The following ACVR1B variants were observed in gnomAD, a reference collection of about 807,000 sequenced individuals.
ACVR1B encodes activin receptor type-1B.
Under a neutral mutation model 55.6 loss-of-function variants are expected in ACVR1B, and 15 were observed. That is an observed-to-expected ratio of 0.27 (90% CI 0.18 to 0.42). The LOEUF is 0.42. Ranked by LOEUF, ACVR1B falls within the 10% of genes least tolerant of loss-of-function variation. The pLI is 1.00. For synonymous variants in ACVR1B, 247 were observed against 254.6 expected (o/e 0.97, Z 0.28); for missense variants, 359 against 670.1 (o/e 0.54, Z 5.13).
chr12:51,951,789 C>T lies in ACVR1B; in HGVS notation c.46C>T (p.Leu16Phe), dbSNP rs1941300785. ...CTCCTCCTTCTTCCCCCTTGTTGTCCTCCTGCTCGCCGGCAGCGGCGGGTC... is the reference window on the plus strand; with the variant it reads ...CTCCTCCTTCTTCCCCCTTGTTGTCTTCCTGCTCGCCGGCAGCGGCGGGTC... Reference protein sequence around the residue: ...GASSFFPLVVLLLAGSGGSGP... With the variant: ...GASSFFPLVVFLLAGSGGSGP... Residue 16 changes from leucine to phenylalanine, a missense_variant, in exon 1 of 9, where the codon CTC becomes TTC. Leu to Phe is a conservative substitution (Grantham distance 22). Transcript: ENST00000257963. The T allele has an allele frequency of 1.1e-5, 14 of 1,297,438 alleles. No homozygotes were observed. The highest frequency in any genetic ancestry group is 1.4e-5 in the Non-Finnish European group (14 of 1,014,200). The allele number at this position is 1,297,438 out of a possible 1,614,324, so 80.4% of individuals were successfully genotyped here. A position where few individuals can be genotyped will look rare whatever the true frequency, so the allele number is the denominator to read the frequency against.
intron 1 of ACVR1B, among the ~76,000 whole-genome samples, chr12:51,974,442 A>G (rs934620402): frequency 6.6e-6 from 1 of 152,018 alleles, no homozygotes; most frequent in African/African-American, 2.4e-5. Context: ...CTTATGTATG[A>G]TAGTTACCCA....
chr12:51,992,989 T>C (rs1331721134), intron 8 of ACVR1B, among the ~76,000 whole-genome samples: 1 of 152,198 alleles, frequency 6.6e-6, no homozygotes. Flanking sequence ...TTTTACTTAT[T>C]TTTTTCCCAA....
chr12:51,959,421 G>T (rs182935014), intron 1 of ACVR1B, among the ~76,000 whole-genome samples: 212 of 152,340 alleles, frequency 1.4e-3, no homozygotes, highest in Non-Finnish European at 2.2e-3. Context: ...GTGGTTCCCA[G>T]CTGACAGCTA....
At chr12:51,967,708 A>G (rs1194840274) in intron 1 of ACVR1B, among the ~76,000 whole-genome samples, 1 of 152,206 alleles carries the variant, frequency 6.6e-6, no homozygotes, top group African/African-American at 2.4e-5. Context: ...TGATTATCTT[A>G]TTCTTCAGAG....
At chr12:51,992,549 G>C (rs1942213544) in intron 8 of ACVR1B, among the ~76,000 whole-genome samples, 1 of 152,184 alleles carries the variant, frequency 6.6e-6, no homozygotes, top group Non-Finnish European at 1.5e-5. Context: ...GATGAGGGAG[G>C]TGGTCAACAA....
chr12:51,959,916 T>G (rs1458855649), intron 1 of ACVR1B: 5 of 138,966 alleles, frequency 3.6e-5, no homozygotes, highest in South Asian at 2.2e-4. Context: ...TTTTCTGGGT[T>G]TTTTTTTTTT....
At chr12:51,985,703 G>A (rs1436049805) in intron 6 of ACVR1B, among the ~76,000 whole-genome samples, 1 of 152,230 alleles carries the variant, frequency 6.6e-6, no homozygotes, top group Non-Finnish European at 1.5e-5. Flanking sequence ...GCAGAGAGCT[G>A]TGAAGGAGGC....
intron 1 of ACVR1B, among the ~76,000 whole-genome samples, chr12:51,958,620 C>G (rs1941455951): frequency 6.6e-6 from 1 of 151,246 alleles, no homozygotes; most frequent in African/African-American, 2.4e-5. Context: ...TGCACTCCAG[C>G]CTGGGGAACA....
chr12:51,956,433 T>A (rs1481668344), intron 1 of ACVR1B, among the ~76,000 whole-genome samples: 1 of 152,214 alleles, frequency 6.6e-6, no homozygotes, highest in Non-Finnish European at 1.5e-5. Flanking sequence ...AAATCTCTAT[T>A]ATGGAACTTA....
In ACVR1B at chr12:51,987,017, C is replaced by T. The variant is rs373556045; in HGVS notation, c.1261+75C>T. ...ATCACCCAAAGCTGTTTTACTGCCC[C>T]CTTTCTTTTTACAACCTGTTGGATG... On this transcript the variant is annotated intron_variant, in intron 7 of 8. Coordinates refer to ENST00000257963, the MANE Select transcript of ACVR1B (RefSeq NM_004302.5). The T allele has an allele frequency of 5.0e-6, 8 of 1,603,560 alleles. No homozygotes were observed. The African/African-American group carries it at 8.0e-5, about 16-fold the overall frequency.
chr12:51,992,315 G>A (rs1337033119), intron 8 of ACVR1B: 1 of 431,358 alleles, frequency 2.3e-6, no homozygotes, highest in Admixed American at 3.9e-5. Context: ...GACAAACCTG[G>A]GCAATGTGGG....
intron 8 of ACVR1B, 102 bp downstream of exon 8, chr12:51,992,095 A>G (rs1032688814): frequency 6.8e-7 from 1 of 1,460,728 alleles, no homozygotes; most frequent in African/African-American, 1.4e-5. Flanking sequence ...GCCCCCTGAG[A>G]GTGTCAGTTA....
intron 1 of ACVR1B, among the ~76,000 whole-genome samples, chr12:51,974,954 G>GC (rs1941819333): frequency 6.6e-6 from 1 of 152,160 alleles, no homozygotes; most frequent in Non-Finnish European, 1.5e-5. Flanking sequence ...GTGGGGGGCA[G>GC]CCCCACATTC....
chr12:51,957,953 A>T (rs959025355), intron 1 of ACVR1B, among the ~76,000 whole-genome samples: 2 of 152,210 alleles, frequency 1.3e-5, no homozygotes, highest in Non-Finnish European at 2.9e-5. Flanking sequence ...TGCAGAAAGG[A>T]TAACTTGTTT....
chr12:51,973,517 CAGAA>C (rs1481289460), intron 1 of ACVR1B, among the ~76,000 whole-genome samples: 89 of 152,158 alleles, frequency 5.8e-4, no homozygotes, highest in African/African-American at 2.0e-3. Flanking sequence ...AATGTAAAAG[CAGAA>C]AGAATAAGAG....
At chr12:51,958,963 A>T (rs1186718213) in intron 1 of ACVR1B, among the ~76,000 whole-genome samples, 2 of 152,222 alleles carry the variant, frequency 1.3e-5, no homozygotes, top group Non-Finnish European at 2.9e-5. Flanking sequence ...GCATTGTTGC[A>T]GGTGTTAGGG....
intron 7 of ACVR1B, among the ~76,000 whole-genome samples, chr12:51,988,341 C>T (rs550714432): frequency 3.3e-5 from 5 of 152,300 alleles, no homozygotes; most frequent in African/African-American, 4.8e-5. Context: ...TGGTGGTGCA[C>T]GCCTGTAGTC....
chr12:51,976,406 C>G lies in ACVR1B; in HGVS notation c.411C>G (p.Leu137=), dbSNP rs764327568. 1 of 1,614,208 alleles carries G rather than the reference C, an allele frequency of 6.2e-7. No individual in the cohort carries two copies. Among genetic ancestry groups the G allele is most frequent in the African/African-American group, 1.3e-5 (1 of 75,056 alleles). ...LVGIIAGPVF[L]LFLIIIIVFL... is the part of the protein sequence containing the mutation. ...GCATCATCGCCGGCCCGGTGTTCCTCCTGTTCCTCATCATCATCATTGTTT... is the reference window on the plus strand; with the variant it reads ...GCATCATCGCCGGCCCGGTGTTCCTGCTGTTCCTCATCATCATCATTGTTT... Residue 137 remains leucine (L), a synonymous_variant, in exon 3 of 9, where the codon CTC becomes CTG. Coordinates refer to ENST00000257963, the MANE Select transcript of ACVR1B (RefSeq NM_004302.5).
At chr12:51,985,772 C>G (rs1592259549) in intron 6 of ACVR1B, among the ~76,000 whole-genome samples, 1 of 152,086 alleles carries the variant, frequency 6.6e-6, no homozygotes, top group South Asian at 2.1e-4. Context: ...AAAGGTAACC[C>G]AGGATAGAGA....
Sources: allele counts gnomAD v4.1 joint callset (sites outside exome capture counted in the v4.1 genomes callset), GRCh38; gene constraint gnomAD v4.1.1; transcripts MANE v1.5; gene names NCBI Gene and HGNC (gene_info 2026-07-23, HGNC 2026-07-21).